BSCL2: variants seen among roughly 807,000 people sequenced by gnomAD.
BSCL2 encodes the protein seipin.
Under a neutral mutation model 57.4 loss-of-function variants are expected in BSCL2, and 41 were observed. The observed-to-expected ratio is 0.71, with a 90% CI of 0.56 to 0.93. BSCL2 has a LOEUF of 0.93. BSCL2 is among the 40% of genes least tolerant of loss of function. The pLI is 0.00. For missense variants in BSCL2, 539 were observed against 586.7 expected (o/e 0.92, Z 0.84); for synonymous variants, 237 against 227.3 (o/e 1.04, Z -0.38).
In BSCL2 at chr11:62,700,086, A is replaced by T. The variant is rs1415616761; in HGVS notation, c.486+2382T>A. ...AAGATCTTGTCTCTACTAAAAATTA[A>T]AAAAAAAAAAAAAAAAAAAAAAGCT... On this transcript the variant is annotated intron_variant, in intron 3 of 10. Coordinates refer to ENST00000360796, the MANE Select transcript of BSCL2 (RefSeq NM_001122955.4). 1.6e-3 allele frequency among the ~76,000 whole-genome samples: 6 copies of T among 3,844 alleles called. No homozygotes were observed. The Non-Finnish European group carries it at 0.028, about 18-fold the overall frequency. The allele number at this position is 3,844 out of a possible 152,430, so 2.5% of individuals were successfully genotyped here.
At chr11:62,708,568 A>ACAAGT (rs2083582228), upstream of BSCL2, 5 of 1,478,534 alleles carry the variant, frequency 3.4e-6, no homozygotes, top group East Asian at 1.2e-4. Context: ...GAGGGAGAAG[A>ACAAGT]CAAGTCGTAA....
rs200644629 is a variant in BSCL2 at position 62,692,666 on chromosome 11, G to T, written c.762C>A (p.Asn254Lys). 1 of 1,614,064 alleles carries T rather than the reference G, an allele frequency of 6.2e-7. No homozygotes were observed. Among genetic ancestry groups the T allele is most frequent in the East Asian group, 2.2e-5 (1 of 44,880 alleles). Residue 254 changes from asparagine to lysine, a missense_variant, in exon 5 of 11, where the codon AAC becomes AAA. Physicochemically the swap from Asn to Lys is moderately conservative, Grantham distance 94 (BLOSUM62 0). Transcript: ENST00000360796. ...EVELYADYRE[N>K]SYVPTTGAII... ...AAAGCTCGTTCACCTCACTCACCGA[G>T]TTCTCTCTATAGTCTGCGTAGAGTT... is the stretch of plus-strand genomic sequence containing the variant.
intron 3 of BSCL2, among the ~76,000 whole-genome samples, chr11:62,698,922 T>C (rs1381253504): frequency 6.6e-6 from 1 of 152,180 alleles, no homozygotes; most frequent in East Asian, 1.9e-4. Flanking sequence ...ATTTATTTAT[T>C]TTGAGATGGA....
At chr11:62,709,217 T>C, upstream of BSCL2, 1 of 455,788 alleles carries the variant, frequency 2.2e-6, no homozygotes, top group Non-Finnish European at 4.4e-6. Context: ...GCTCCTGTGT[T>C]AGAATTCTTG....
chr11:62,701,971 T>TATG, intron 3 of BSCL2, among the ~76,000 whole-genome samples: 1 of 152,286 alleles, frequency 6.6e-6, no homozygotes, highest in Admixed American at 6.5e-5. Flanking sequence ...AGTCAGGGAC[T>TATG]ATGTTGAGAA....
At chr11:62,694,793 C>A in intron 3 of BSCL2, 82 bp from the exon 4 acceptor site, 1 of 1,483,330 alleles carries the variant, frequency 6.7e-7, no homozygotes, top group Middle Eastern at 2.0e-4. Flanking sequence ...CTCTTAGCCC[C>A]CGCAACGCCC....
chr11:62,696,616 G>A (rs2134710323), intron 3 of BSCL2, among the ~76,000 whole-genome samples: 1 of 152,130 alleles, frequency 6.6e-6, no homozygotes, highest in South Asian at 2.1e-4. Context: ...GAGTGCAGTG[G>A]TGTGATCACA....
chr11:62,705,642 G>A, intron 1 of BSCL2, 25 bp from the exon 2 acceptor site: 1 of 1,483,346 alleles, frequency 6.7e-7, no homozygotes, highest in South Asian at 1.4e-5. Flanking sequence ...TGAGGGAAAA[G>A]AGTGACTCCT....
chr11:62,708,111 T>C (rs2083573472), upstream of BSCL2: 2 of 616,830 alleles, frequency 3.2e-6, no homozygotes, highest in Middle Eastern at 3.2e-4. Flanking sequence ...GAGCACCTCA[T>C]CCCACCCTAT....
intron 3 of BSCL2, among the ~76,000 whole-genome samples, chr11:62,695,305 C>T (rs997871112): frequency 6.6e-6 from 1 of 152,054 alleles, no homozygotes; most frequent in Non-Finnish European, 1.5e-5. Context: ...TTCTTCTAGC[C>T]CCTTTATTGA....
chr11:62,705,301 C>T lies in BSCL2; in HGVS notation c.404G>A (p.Arg135Lys). The T allele has an allele frequency of 6.2e-7, 1 of 1,609,048 alleles. No individual in the cohort carries two copies. The highest frequency in any genetic ancestry group is 1.3e-5 in the African/African-American group (1 of 74,958). The change falls in exon 2 of 11, where the codon AGG becomes AAG. Residue 135 changes from arginine (R) to lysine (K), a missense_variant and splice_region_variant. Physicochemically the swap from Arg to Lys is conservative, Grantham distance 26. Transcript: ENST00000360796. ...SHLSPVHFYY[R>K]TDCDSSTTSL... ...TATTTTGATAGAAGGCCCCTCTCAC[C>T]TGTAGTAGAAATGCACAGGGCTGAG...
chr11:62,706,380 C>A, intron 1 of BSCL2: 2 of 983,466 alleles, frequency 2.0e-6, no homozygotes, highest in South Asian at 1.7e-5. Context: ...AGGGCGGGGT[C>A]CAGCACGGCG....
intron 1 of BSCL2, chr11:62,706,111 A>C (rs541886188): frequency 1.6e-6 from 1 of 634,516 alleles, no homozygotes; most frequent in East Asian, 1.3e-4. Context: ...ACACGGCTAC[A>C]CCCCACGCCC....
upstream of BSCL2, chr11:62,709,443 G>A (rs1378696987): frequency 2.2e-6 from 1 of 454,034 alleles, no homozygotes; most frequent in South Asian, 1.6e-5. Flanking sequence ...AAGTTAAAAG[G>A]TAAACAGGCC....
chr11:62,696,764 C>G (rs1192096591), intron 3 of BSCL2, among the ~76,000 whole-genome samples: 1 of 152,054 alleles, frequency 6.6e-6, no homozygotes, highest in Non-Finnish European at 1.5e-5. Context: ...CATTATGCTG[C>G]CCAAGCTGGT....
At chr11:62,708,265 T>A, upstream of BSCL2, 1 of 1,408,864 alleles carries the variant, frequency 7.1e-7, no homozygotes, top group Non-Finnish European at 1.0e-6. Flanking sequence ...CAGCTGAGAC[T>A]GTGCTCTGAG....
At chr11:62,707,085 G>T in intron 1 of BSCL2, 24 bp downstream of exon 1, 2 of 1,545,010 alleles carry the variant, frequency 1.3e-6, no homozygotes, top group Non-Finnish European at 1.8e-6. Context: ...TATTTCTGCT[G>T]ACTGTCCCCA....
chr11:62,706,340 T>C, intron 1 of BSCL2: 1 of 1,118,306 alleles, frequency 8.9e-7, no homozygotes. Flanking sequence ...CCGGCCGCTT[T>C]TGTAGCCGTG....
chr11:62,707,284 T>A lies in BSCL2; in HGVS notation c.-89A>T. 1 of 1,124,880 alleles carries A rather than the reference T, an allele frequency of 8.9e-7. No homozygotes were observed. Among genetic ancestry groups the A allele is most frequent in the Non-Finnish European group, 1.3e-6 (1 of 758,776 alleles). 69.7% of individuals were successfully genotyped at this position (1,124,880 alleles called of 1,614,324 possible). ...GTGGCGATCCAGACGCTGATACCTGTGGCGCATCACATTTTCCTGGATATG... is the reference window on the plus strand; with the variant it reads ...GTGGCGATCCAGACGCTGATACCTGAGGCGCATCACATTTTCCTGGATATG... On this transcript the variant is annotated 5_prime_UTR_variant, in exon 1 of 11. Transcript: ENST00000360796.
Sources: gnomAD v4.1 joint callset for allele counts (sites outside exome capture counted in the v4.1 genomes callset) on GRCh38, gnomAD v4.1.1 for gene constraint, MANE v1.5 for transcripts, NCBI Gene and HGNC (gene_info 2026-07-23, HGNC 2026-07-21) for gene names.